SSTR3: variants seen among roughly 807,000 people sequenced by gnomAD.
SSTR3 encodes somatostatin receptor type 3.
For synonymous variants in SSTR3, 281 were observed against 269.2 expected (o/e 1.04, Z -0.43); for missense variants, 504 against 604.7 (o/e 0.83, Z 1.75).
chr22:37,212,670 C>G (rs1926264416), upstream of SSTR3, among the ~76,000 whole-genome samples: 1 of 152,146 alleles, frequency 6.6e-6, no homozygotes, highest in African/African-American at 2.4e-5. Flanking sequence ...CTCAGGGGAG[C>G]CGAGGCTGCC....
upstream of SSTR3, among the ~76,000 whole-genome samples, chr22:37,213,564 G>A (rs947050161): frequency 2.0e-4 from 30 of 152,200 alleles, no homozygotes; most frequent in African/African-American, 6.8e-4. Flanking sequence ...ACTTCCAGCC[G>A]GAGCCGGCCT....
chr22:37,207,737 G>T lies in SSTR3; in HGVS notation c.67C>A (p.Pro23Thr), dbSNP rs749451006. 2.0e-6 allele frequency: 3 copies of T among 1,526,730 alleles called. No individual in the cohort carries two copies. The East Asian group carries it at 6.8e-5, about 35-fold the overall frequency. 94.6% of individuals were successfully genotyped at this position (1,526,730 alleles called of 1,614,324 possible). The stretch of plus-strand genomic sequence containing the variant: ...ACGTTGCCCAGGGTGGCATCTGGGG[G>T]CCAGGCCGAGGAGGCATTCTCAGGT... Reference protein sequence around the residue: ...SEPENASSAWPPDATLGNVSA... With the variant: ...SEPENASSAWTPDATLGNVSA... The change falls in exon 2 of 2, where the codon CCC becomes ACC. Residue 23 changes from proline (P) to threonine (T), a missense_variant. By Grantham distance (38) the Pro-to-Thr change is conservative. Coordinates refer to ENST00000610913, the MANE Select transcript of SSTR3 (RefSeq NM_001051.5).
rs1925654622 is a variant in SSTR3 at position 37,205,268 on chromosome 22, T to TGCACCCTG, written c.*1271_*1278dup. 6.6e-6 allele frequency: 1 copy of TGCACCCTG among 152,596 alleles called. No individual in the cohort carries two copies. The highest frequency in any genetic ancestry group is 1.5e-5 in the Non-Finnish European group (1 of 68,342). 9.5% of individuals were successfully genotyped at this position (152,596 alleles called of 1,614,324 possible). ...TGTCTGTACTCTGTGCATTTGCCAT[T>TGCACCCTG]GCACCCTGGCTGTTCCACCCTGATC... On this transcript the variant is annotated 3_prime_UTR_variant, in exon 2 of 2. Coordinates refer to ENST00000610913, the MANE Select transcript of SSTR3 (RefSeq NM_001051.5).
the SSTR3 span, among the ~76,000 whole-genome samples, chr22:37,220,455 G>A: frequency 6.6e-6 from 1 of 152,208 alleles, no homozygotes; most frequent in Non-Finnish European, 1.5e-5. Flanking sequence ...AGGAGGTTGA[G>A]GCAGGAGAAT....
chr22:37,206,939 G>C lies in SSTR3; in HGVS notation c.865C>G (p.Pro289Ala), dbSNP rs779556043. The change falls in exon 2 of 2, where the codon CCT (proline) becomes GCT (alanine). Residue 289 changes from proline (P) to alanine (A), a missense_variant. Coordinates refer to ENST00000610913, the MANE Select transcript of SSTR3 (RefSeq NM_001051.5). ...VNVVCPLPEEPAFFGLYFLVV... is the reference protein window; with the variant it reads ...VNVVCPLPEEAAFFGLYFLVV... ...AGGAAGTAGAGCCCAAAGAAGGCAG[G>C]CTCCTCGGGCAGTGGGCACACCACG... 2.5e-6 allele frequency: 4 copies of C among 1,613,444 alleles called. No individual in the cohort carries two copies. In the East Asian group the frequency reaches 8.9e-5, roughly 36 times the overall value.
intron 1 of SSTR3, among the ~76,000 whole-genome samples, chr22:37,208,794 T>C (rs1404444244): frequency 6.6e-6 from 1 of 152,194 alleles, no homozygotes; most frequent in African/African-American, 2.4e-5. Context: ...TCCAGCCAGC[T>C]TTGGACCCTC....
the SSTR3 span, among the ~76,000 whole-genome samples, chr22:37,219,766 C>G: frequency 6.6e-5 from 10 of 152,168 alleles, no homozygotes; most frequent in African/African-American, 1.2e-4. Context: ...GTTGGCTGGG[C>G]TCATTCAGGC....
At chr22:37,211,641 T>G (rs750175181) in intron 1 of SSTR3, among the ~76,000 whole-genome samples, 184 bp downstream of exon 1, 2 of 152,098 alleles carry the variant, frequency 1.3e-5, no homozygotes, top group Non-Finnish European at 2.9e-5. Context: ...TGGCACGAGA[T>G]TCTGAGACTA....
upstream of SSTR3, among the ~76,000 whole-genome samples, chr22:37,212,844 G>A (rs1474641590): frequency 6.6e-6 from 1 of 152,192 alleles, no homozygotes; most frequent in East Asian, 1.9e-4. Context: ...TGGGGAGGCC[G>A]GGTGGGGGTC....
chr22:37,207,896 C>G, intron 1 of SSTR3, 57 bp from the exon 2 acceptor site: 2 of 1,388,890 alleles, frequency 1.4e-6, no homozygotes, highest in East Asian at 2.7e-5. Context: ...CTGTGCTGCC[C>G]CCTCCCATCA....
intron 1 of SSTR3, among the ~76,000 whole-genome samples, chr22:37,209,107 G>A (rs1926034335): frequency 6.6e-6 from 1 of 152,220 alleles, no homozygotes; most frequent in African/African-American, 2.4e-5. Context: ...AAATCTCTCA[G>A]AGGAGAAGCC....
At chr22:37,218,164 A>T in the SSTR3 span, among the ~76,000 whole-genome samples, 1 of 152,026 alleles carries the variant, frequency 6.6e-6, no homozygotes, top group African/African-American at 2.4e-5. Context: ...CTTTTCTTCT[A>T]CTTATTTGAT....
chr22:37,207,555 G>A lies in SSTR3; in HGVS notation c.249C>T (p.Ile83=), dbSNP rs759554553. ...GCTCGTCGGCCAGCGCCAGGTTGAG[G>A]ATGTAGACGTTGGTGACTGAAGGGC... ...TASPSVTNVY[I]LNLALADELF... The change falls in exon 2 of 2, where the codon ATC becomes ATT. Residue 83 remains isoleucine (I), a synonymous_variant. Coordinates refer to ENST00000610913, the MANE Select transcript of SSTR3 (RefSeq NM_001051.5). 3 of 1,613,626 alleles carry A rather than the reference G, an allele frequency of 1.9e-6. No individual in the cohort carries two copies. Among genetic ancestry groups the A allele is most frequent in the East Asian group, 2.2e-5 (1 of 44,892 alleles).
intron 1 of SSTR3, chr22:37,211,097 TA>T (rs993478957): frequency 3.3e-5 from 14 of 422,648 alleles, no homozygotes; most frequent in Admixed American, 6.4e-5. Flanking sequence ...AACCCAGTTC[TA>T]TCTACTTCTA....
At chr22:37,210,475 C>T in intron 1 of SSTR3, 2 of 975,338 alleles carry the variant, frequency 2.1e-6, no homozygotes, top group Non-Finnish European at 2.4e-6. Context: ...CCGGTCTTCC[C>T]TGTCAAAGTT....
chr22:37,220,154 C>T, the SSTR3 span, among the ~76,000 whole-genome samples: 1 of 152,028 alleles, frequency 6.6e-6, no homozygotes, highest in Non-Finnish European at 1.5e-5. Flanking sequence ...TCAACAGAGG[C>T]ACCAAGAGAG....
At chr22:37,209,585 T>C (rs2145804495) in intron 1 of SSTR3, among the ~76,000 whole-genome samples, 1 of 152,348 alleles carries the variant, frequency 6.6e-6, no homozygotes, top group Non-Finnish European at 1.5e-5. Flanking sequence ...CACTGAGCCC[T>C]GACTGTGCCA....
chr22:37,217,276 C>T (rs538719735), upstream of SSTR3, among the ~76,000 whole-genome samples: 22 of 152,278 alleles, frequency 1.4e-4, no homozygotes, highest in East Asian at 4.0e-3. Context: ...CTCCAGCTTC[C>T]AGCACAATTC....
At position 37,212,224 on chromosome 22, in the gene SSTR3, A is replaced by AG; in HGVS notation, c.-437_-436insC. On this transcript the variant is annotated 5_prime_UTR_variant, in exon 1 of 2. An upstream open reading frame in the 5' UTR gains an earlier in-frame stop. Transcript: ENST00000610913. ...GAGGTGGAGAAAGAGAGAGAGAGAG[A>AG]AAGAGGGAGGGGGAGAGAGAGAGAG... 1.2e-6 allele frequency: 1 copy of AG among 845,152 alleles called. No homozygotes were observed. The highest frequency in any genetic ancestry group is 1.4e-6 in the Non-Finnish European group (1 of 703,886). 52.4% of individuals were successfully genotyped at this position (845,152 alleles called of 1,614,324 possible). A position where few individuals can be genotyped will look rare whatever the true frequency, so the allele number is the denominator to read the frequency against.
Sources: allele counts gnomAD v4.1 joint callset (sites outside exome capture counted in the v4.1 genomes callset), GRCh38; gene constraint gnomAD v4.1.1; transcripts MANE v1.5; gene names NCBI Gene and HGNC (gene_info 2026-07-23, HGNC 2026-07-21).